The following DIAPH2 variants were observed in gnomAD, a reference collection of about 807,000 sequenced individuals.
DIAPH2 encodes diaphanous related formin 2, also known as protein diaphanous homolog 2.
Under a neutral mutation model 92.7 loss-of-function variants are expected in DIAPH2, and 35 were observed. That is an observed-to-expected ratio of 0.38 (90% CI 0.29 to 0.50). The LOEUF is 0.50. Ranked by LOEUF, DIAPH2 falls within the 20% of genes least tolerant of loss-of-function variation. The pLI, the probability that DIAPH2 is intolerant of heterozygous loss-of-function variation, is 0.94. For synonymous variants in DIAPH2, 301 were observed against 280.4 expected, an observed-to-expected ratio of 1.07 and a Z score of -0.73; for missense variants, 701 against 819.5, an observed-to-expected ratio of 0.86 and a Z score of 1.77.
intron 26 of DIAPH2, among the ~76,000 whole-genome samples, chrX:97,494,775 T>C (rs1032968098): frequency 3.6e-5 from 4 of 112,331 alleles, no homozygotes; most frequent in Non-Finnish European, 7.5e-5. Context: ...GCCATGCTAA[T>C]GTCTTCTGAG....
chrX:97,359,583 T>TC (rs2069303180), intron 24 of DIAPH2, among the ~76,000 whole-genome samples: 1 of 98,966 alleles, frequency 1.0e-5, no homozygotes, highest in African/African-American at 3.7e-5. Context: ...TTTTTTTTTT[T>TC]TTTTTTTTTT....
intron 26 of DIAPH2, among the ~76,000 whole-genome samples, chrX:97,564,947 G>T (rs1025160263): frequency 6.3e-5 from 7 of 111,902 alleles, no homozygotes; most frequent in African/African-American, 2.3e-4. Flanking sequence ...AGGCTAAATT[G>T]ATCATGAATT....
chrX:97,509,054 T>TATTTATTA (rs1319999766), intron 26 of DIAPH2, among the ~76,000 whole-genome samples: 5 of 106,098 alleles, frequency 4.7e-5, no homozygotes, highest in Non-Finnish European at 7.7e-5. Flanking sequence ...TTTATTTATT[T>TATTTATTA]ATTATTTTTT....
chrX:97,549,022 TA>T (rs1401417019), intron 26 of DIAPH2, among the ~76,000 whole-genome samples: 2 of 112,702 alleles, frequency 1.8e-5, no homozygotes, highest in African/African-American at 6.4e-5. Context: ...CAAGTGCTGA[TA>T]AAATATTTTA....
chrX:96,887,936 T>A (rs1037657289), intron 5 of DIAPH2, among the ~76,000 whole-genome samples: 1 of 110,492 alleles, frequency 9.1e-6, no homozygotes, highest in South Asian at 3.8e-4. Flanking sequence ...GTTCTAAGAG[T>A]AGGAGTTGTG....
At chrX:96,912,242 T>C (rs2065473158) in intron 5 of DIAPH2, 86 bp from the exon 6 acceptor site, 3 of 759,611 alleles carry the variant, frequency 3.9e-6, no homozygotes, top group Non-Finnish European at 5.8e-6. Context: ...AATTATCAGA[T>C]TTGAAAATTA....
At chrX:97,103,330 C>G (rs2147366878) in intron 20 of DIAPH2, among the ~76,000 whole-genome samples, 1 of 111,439 alleles carries the variant, frequency 9.0e-6, no homozygotes, top group South Asian at 3.8e-4. Context: ...AATAAAAATC[C>G]TTCCTGACTG....
intron 1 of DIAPH2, among the ~76,000 whole-genome samples, chrX:96,691,983 A>G (rs2147515305): frequency 8.9e-6 from 1 of 112,489 alleles, no homozygotes; most frequent in African/African-American, 3.2e-5. Flanking sequence ...ATAGACATCC[A>G]GGCTTTAAAA....
In DIAPH2 at chrX:96,918,540, G is replaced by A; in HGVS notation, c.901G>A (p.Ala301Thr). 8.3e-7 allele frequency: 1 copy of A among 1,205,275 alleles called. No homozygotes were observed. Among genetic ancestry groups the A allele is most frequent in the Non-Finnish European group, 1.1e-6 (1 of 892,030 alleles). Residue 301 changes from alanine to threonine, a missense_variant, in exon 9 of 27, where the codon GCA becomes ACA. Physicochemically the swap from Ala to Thr is moderately conservative, Grantham distance 58. Around this residue, in one of 3 missense-constraint regions of DIAPH2, gnomAD observed 536 missense variants for 599.3 expected, o/e 0.89. Transcript: ENST00000324765. The part of the protein sequence containing the change: ...LDKLLGAITT[A>T]AERNNRERFS... ...TAAACTTTTAGGGGCTATAACAACA[G>A]CAGCAGAAAGAAATAACAGGGAACG...
Position 96,842,220 on chromosome X carries a change from C to G in DIAPH2, c.448-39359C>G, listed in dbSNP as rs1452842974. On this transcript the variant is annotated intron_variant, in intron 4 of 26. Transcript: ENST00000324765. ...AGTGCCATTTCTGTTGGTGTAATGT[C>G]CCTCCATAAAGAGTAATTAGAGTTA... 2.7e-5 allele frequency among the ~76,000 whole-genome samples: 3 copies of G among 111,673 alleles called. No individual in the cohort carries two copies. In the East Asian group the frequency reaches 8.4e-4, roughly 31 times the overall value.
Position 96,822,466 on chromosome X carries a change from G to A in DIAPH2, c.448-59113G>A, listed in dbSNP as rs1487666619. ...AAGGTTTGGATGCCTTTAAGCATAC[G>A]TTGTAAAATTTTTAACTGGAGAGAT... is the stretch of plus-strand genomic sequence containing the variant. On this transcript the variant is annotated intron_variant, in intron 4 of 26. Transcript: ENST00000324765. Among the ~76,000 whole-genome samples, 7 of 111,885 alleles carry A rather than the reference G, an allele frequency of 6.3e-5. No homozygotes were observed. The South Asian group carries it at 2.6e-3, about 41-fold the overall frequency.
intron 23 of DIAPH2, among the ~76,000 whole-genome samples, chrX:97,331,711 T>C (rs888746347): frequency 8.9e-6 from 1 of 111,914 alleles, no homozygotes; most frequent in Non-Finnish European, 1.9e-5. Context: ...GCACTTGTTT[T>C]CAACCATGCA....
intron 1 of DIAPH2, among the ~76,000 whole-genome samples, chrX:96,716,158 G>T (rs957205595): frequency 9.0e-6 from 1 of 111,521 alleles, no homozygotes; most frequent in Non-Finnish European, 1.9e-5. Flanking sequence ...TTCAATAGGG[G>T]TTTGGTTTTG....
Position 97,550,434 on chromosome X carries a change from C to A in DIAPH2, c.3242-48819C>A, listed in dbSNP as rs139226386. Reference sequence around the variant, plus strand: ...TGGTCTTTCATATATAGACTTCAGACAATTGGTTGTTCATTCTGGAGTTGA... The same window carrying A: ...TGGTCTTTCATATATAGACTTCAGAAAATTGGTTGTTCATTCTGGAGTTGA... On this transcript the variant is annotated intron_variant, in intron 26 of 26. Coordinates refer to ENST00000324765, the MANE Select transcript of DIAPH2 (RefSeq NM_006729.5). 4.8e-3 allele frequency among the ~76,000 whole-genome samples: 541 copies of A among 112,011 alleles called. 5 individuals are homozygous for A. The highest frequency in any genetic ancestry group is 0.017 in the African/African-American group (522 of 30,846).
intron 25 of DIAPH2, among the ~76,000 whole-genome samples, chrX:97,392,373 G>T (rs1427592672): frequency 3.6e-5 from 4 of 111,892 alleles, no homozygotes; most frequent in South Asian, 7.6e-4. Context: ...CCACCCTTAA[G>T]AAGTTTTCAT....
At chrX:97,580,411 C>T (rs1158639088) in intron 26 of DIAPH2, among the ~76,000 whole-genome samples, 2 of 103,702 alleles carry the variant, frequency 1.9e-5, no homozygotes, top group Non-Finnish European at 3.9e-5. Flanking sequence ...GCCTTTTCTG[C>T]ATCTATTGAG....
At chrX:96,734,851 A>AT (rs35336655) in intron 1 of DIAPH2, among the ~76,000 whole-genome samples, 14,200 of 105,229 alleles carry the variant, frequency 0.13, 813 homozygotes, top group East Asian at 0.31. Context: ...AGAAGACCCT[A>AT]TTTTTTTTTT....
At chrX:97,131,184 A>G (rs183609201) in intron 21 of DIAPH2, among the ~76,000 whole-genome samples, 68 of 111,590 alleles carry the variant, frequency 6.1e-4, no homozygotes, top group Non-Finnish European at 1.2e-3. Flanking sequence ...TCCCTCACAA[A>G]AAAAAATGGA....
intron 22 of DIAPH2, among the ~76,000 whole-genome samples, chrX:97,215,564 C>G (rs2147510247): frequency 8.9e-6 from 1 of 111,772 alleles, no homozygotes; most frequent in Non-Finnish European, 1.9e-5. Flanking sequence ...AAATCCTCCA[C>G]TCAGTTTTCT....
Sources: gnomAD v4.1 joint callset for allele counts (sites outside exome capture counted in the v4.1 genomes callset) on GRCh38, gnomAD v4.1.1 for gene constraint, gnomAD v4.1.1 regional missense constraint, MANE v1.5 for transcripts, NCBI Gene and HGNC (gene_info 2026-07-23, HGNC 2026-07-21) for gene names.